The following XKR4 variants were observed in gnomAD, a reference collection of about 807,000 sequenced individuals.
The protein encoded by XKR4 is XK related 4.
A neutral mutation model predicts 53.9 loss-of-function variants in XKR4; 12 were observed. The observed-to-expected ratio is 0.22, with a 90% confidence interval of 0.14 to 0.36. XKR4 has a LOEUF of 0.36. Among genes scored for constraint, XKR4 ranks in the 10% least tolerant of loss-of-function variants. The probability of loss-of-function intolerance (pLI) is 1.00; values close to 1 mark genes in which losing one functional copy is unlikely to be tolerated. For synonymous variants in XKR4, 354 were observed against 362.4 expected, an observed-to-expected ratio of 0.98 and a Z score of 0.26; for missense variants, 799 against 859.5, an observed-to-expected ratio of 0.93 and a Z score of 0.88.
intron 1 of XKR4, among the ~76,000 whole-genome samples, chr8:55,299,353 C>T (rs1486346569): frequency 6.6e-6 from 1 of 152,114 alleles, no homozygotes; most frequent in Non-Finnish European, 1.5e-5. Flanking sequence ...TCCGTGTGAC[C>T]TCCTCACCAC....
At chr8:55,452,965 C>T (rs954056304) in intron 2 of XKR4, 53 of 741,718 alleles carry the variant, frequency 7.1e-5, no homozygotes, top group Middle Eastern at 2.4e-4. Context: ...TGCTTCTCAC[C>T]GCTCAGGGAT....
rs1806979441 is a variant in XKR4, at chr8:55,533,217, GC to G, written c.*8991del. Reference sequence around the variant, plus strand: ...AGAAAATGAGCACTTTGTGTGTTGAGCGCTGTTGCATTCACTTAGCAATTAA... The same window carrying G: ...AGAAAATGAGCACTTTGTGTGTTGAGGCTGTTGCATTCACTTAGCAATTAA... On this transcript the variant is annotated 3_prime_UTR_variant, in exon 3 of 3. Coordinates refer to ENST00000327381, the MANE Select transcript of XKR4 (RefSeq NM_052898.2). 1 of 152,122 alleles carries G rather than the reference GC, an allele frequency of 6.6e-6. No homozygotes were observed. The highest frequency in any genetic ancestry group is 2.1e-4 in the South Asian group (1 of 4,828). The allele number at this position is 152,122 out of a possible 1,614,324, so 9.4% of individuals were successfully genotyped here. A position where few individuals can be genotyped will look rare whatever the true frequency, so the allele number is the denominator to read the frequency against.
chr8:55,174,851 T>A (rs1327426561), intron 1 of XKR4, among the ~76,000 whole-genome samples: 1 of 152,188 alleles, frequency 6.6e-6, no homozygotes, highest in African/African-American at 2.4e-5. Context: ...GAGCAGCGTG[T>A]GTCACAGCAT....
intron 1 of XKR4, among the ~76,000 whole-genome samples, chr8:55,237,253 C>A (rs1026846071): frequency 4.6e-5 from 7 of 152,206 alleles, no homozygotes; most frequent in African/African-American, 9.7e-5. Context: ...ATCAACCCCC[C>A]ACAAAGTCAA....
intron 1 of XKR4, among the ~76,000 whole-genome samples, chr8:55,169,158 C>T (rs747404730): frequency 2.0e-5 from 3 of 152,146 alleles, no homozygotes; most frequent in Admixed American, 6.5e-5. Context: ...TTTCATATTT[C>T]GTATTCAATT....
intron 1 of XKR4, among the ~76,000 whole-genome samples, chr8:55,198,444 T>C (rs546927746): frequency 9.2e-5 from 14 of 152,000 alleles, no homozygotes; most frequent in Non-Finnish European, 1.6e-4. Flanking sequence ...ATGGTCTAAG[T>C]CAAGAAAAGT....
chr8:55,294,391 G>A (rs1335678369), intron 1 of XKR4, among the ~76,000 whole-genome samples: 1 of 152,170 alleles, frequency 6.6e-6, no homozygotes, highest in Non-Finnish European at 1.5e-5. Flanking sequence ...CAAGGTATCC[G>A]TGTTCCTACC....
At chr8:55,438,149 A>C (rs79998578) in intron 2 of XKR4, among the ~76,000 whole-genome samples, 1 of 144,118 alleles carries the variant, frequency 6.9e-6, no homozygotes, top group African/African-American at 2.6e-5. Context: ...ATTACCAGAC[A>C]AAAAAAAAAG....
At chr8:55,440,585 C>T (rs1323012819) in intron 2 of XKR4, among the ~76,000 whole-genome samples, 1 of 123,208 alleles carries the variant, frequency 8.1e-6, no homozygotes, top group Non-Finnish European at 1.7e-5. Context: ...GAGTGTATAA[C>T]TTCCAAACTA....
chr8:55,178,320 G>A (rs7002574), intron 1 of XKR4, among the ~76,000 whole-genome samples: 14,542 of 152,132 alleles, frequency 0.096, 1,921 homozygotes, highest in African/African-American at 0.29. Flanking sequence ...AGCTATACCA[G>A]CTATTGTGTG....
chr8:55,533,733 C>A lies in XKR4; in HGVS notation c.*9506C>A, dbSNP rs1440938351. On this transcript the variant is annotated 3_prime_UTR_variant, in exon 3 of 3. Coordinates refer to ENST00000327381, the MANE Select transcript of XKR4 (RefSeq NM_052898.2). ...AACAGACACTTTAATCTTGCAAATT[C>A]TTGACTTGTAATATTGTAACCAAGC... 1 of 152,158 alleles carries A rather than the reference C, an allele frequency of 6.6e-6. No individual in the cohort carries two copies. The highest frequency in any genetic ancestry group is 1.5e-5 in the Non-Finnish European group (1 of 68,034). The allele number at this position is 152,158 out of a possible 1,614,324, so 9.4% of individuals were successfully genotyped here.
intron 2 of XKR4, among the ~76,000 whole-genome samples, chr8:55,475,415 G>A (rs1005787840): frequency 1.5e-5 from 2 of 134,568 alleles, no homozygotes; most frequent in Non-Finnish European, 3.2e-5. Context: ...TGTTGTTGTT[G>A]TTAGGCTATT....
chr8:55,494,107 G>A (rs566823494), intron 2 of XKR4, among the ~76,000 whole-genome samples: 21 of 152,384 alleles, frequency 1.4e-4, no homozygotes, highest in African/African-American at 4.1e-4. Context: ...ACAGAGCAGC[G>A]AGGGGTGTAT....
At chr8:55,421,290 G>A (rs1303156498) in intron 2 of XKR4, among the ~76,000 whole-genome samples, 3 of 152,266 alleles carry the variant, frequency 2.0e-5, no homozygotes, top group Admixed American at 6.5e-5. Flanking sequence ...GTCACAAAAC[G>A]ATTAATGATG....
intron 2 of XKR4, among the ~76,000 whole-genome samples, chr8:55,371,979 C>T (rs188866752): frequency 6.6e-6 from 1 of 152,220 alleles, no homozygotes; most frequent in African/African-American, 2.4e-5. Context: ...TATTTTTCCA[C>T]TCAGTATTTC....
At chr8:55,288,088 A>G (rs1165468284) in intron 1 of XKR4, among the ~76,000 whole-genome samples, 1 of 152,088 alleles carries the variant, frequency 6.6e-6, no homozygotes, top group African/African-American at 2.4e-5. Flanking sequence ...GTGTTAGTGT[A>G]TTTTATATGT....
At chr8:55,369,590 G>C (rs2129385912) in intron 2 of XKR4, among the ~76,000 whole-genome samples, 1 of 151,476 alleles carries the variant, frequency 6.6e-6, no homozygotes, top group Non-Finnish European at 1.5e-5. Context: ...GGGAGGGAAA[G>C]AGAATAAAAA....
intron 1 of XKR4, among the ~76,000 whole-genome samples, chr8:55,206,947 T>A (rs1371883523): frequency 2.0e-5 from 3 of 152,198 alleles, no homozygotes. Flanking sequence ...TGACACATAT[T>A]AGAAGACCAC....
chr8:55,496,510 G>A (rs2622575), intron 2 of XKR4, among the ~76,000 whole-genome samples: 63,406 of 152,012 alleles, frequency 0.42, 14,646 homozygotes, highest in African/African-American at 0.62. Flanking sequence ...CTAAAAATTA[G>A]GGCATTGATA....
Sources: gnomAD v4.1 joint callset for allele counts (sites outside exome capture counted in the v4.1 genomes callset) on GRCh38, gnomAD v4.1.1 for gene constraint, MANE v1.5 for transcripts, NCBI Gene and HGNC (gene_info 2026-07-23, HGNC 2026-07-21) for gene names.